UBE2E3: variants seen among roughly 807,000 people sequenced by gnomAD.
UBE2E3 encodes the protein ubiquitin conjugating enzyme E2 E3.
Under a neutral mutation model 23.6 loss-of-function variants are expected in UBE2E3, and 5 were observed. That is an observed-to-expected ratio of 0.21 (90% confidence interval 0.11 to 0.44). UBE2E3 has a LOEUF of 0.44. UBE2E3 is among the 20% of genes least tolerant of loss of function. The pLI is 0.99. For synonymous variants in UBE2E3, 78 were observed against 87.5 expected, an observed-to-expected ratio of 0.89 and a Z score of 0.60; for missense variants, 81 against 249.8, an observed-to-expected ratio of 0.32 and a Z score of 4.55.
chr2:180,987,460 A>C, intron 3 of UBE2E3: 2 of 1,494,400 alleles, frequency 1.3e-6, no homozygotes, highest in Non-Finnish European at 1.8e-6. Flanking sequence ...TATACTGACG[A>C]ATATTTTAAG....
chr2:181,057,909 C>G, intron 4 of UBE2E3, 84 bp downstream of exon 4: 4 of 1,367,412 alleles, frequency 2.9e-6, no homozygotes, highest in Non-Finnish European at 4.0e-6. Flanking sequence ...TGTATTGATG[C>G]AGTTATTTTG....
At chr2:181,008,215 A>G (rs998235638) in intron 3 of UBE2E3, among the ~76,000 whole-genome samples, 2 of 152,218 alleles carry the variant, frequency 1.3e-5, no homozygotes, top group South Asian at 4.1e-4. Context: ...TTTCTTCTGC[A>G]TGAGGATTGG....
At chr2:181,043,497 G>A (rs1379592445) in intron 3 of UBE2E3, among the ~76,000 whole-genome samples, 1 of 151,986 alleles carries the variant, frequency 6.6e-6, no homozygotes, top group African/African-American at 2.4e-5. Flanking sequence ...TTAGACTTTG[G>A]TCTCATCCCC....
At chr2:181,023,383 CT>C (rs1162670077) in intron 3 of UBE2E3, among the ~76,000 whole-genome samples, 1 of 152,144 alleles carries the variant, frequency 6.6e-6, no homozygotes, top group East Asian at 1.9e-4. Flanking sequence ...CTTTTGTCTT[CT>C]GATTTCTCAA....
At chr2:181,021,554 CCCTT>C (rs749212211) in intron 3 of UBE2E3, among the ~76,000 whole-genome samples, 5 of 47,228 alleles carry the variant, frequency 1.1e-4, no homozygotes, top group African/African-American at 1.7e-4. Context: ...TAAATATACT[CCCTT>C]CCTTCCTTCC....
At chr2:181,013,846 T>C (rs892687123) in intron 3 of UBE2E3, among the ~76,000 whole-genome samples, 5 of 152,192 alleles carry the variant, frequency 3.3e-5, no homozygotes, top group African/African-American at 1.2e-4. Flanking sequence ...TGCCTCTTCA[T>C]GGAGGAATGG....
At chr2:181,047,408 C>T (rs1559134336) in intron 3 of UBE2E3, among the ~76,000 whole-genome samples, 1 of 152,048 alleles carries the variant, frequency 6.6e-6, no homozygotes, top group Non-Finnish European at 1.5e-5. Context: ...GGACCAGGCC[C>T]CTTTATCTTA....
At chr2:180,999,604 T>C (rs1205063566) in intron 3 of UBE2E3, among the ~76,000 whole-genome samples, 1 of 152,082 alleles carries the variant, frequency 6.6e-6, no homozygotes, top group African/African-American at 2.4e-5. Flanking sequence ...ATTTTTTGTT[T>C]TTTTTCATTA....
At chr2:181,033,723 T>C (rs1210619073) in intron 3 of UBE2E3, among the ~76,000 whole-genome samples, 1 of 152,068 alleles carries the variant, frequency 6.6e-6, no homozygotes, top group Admixed American at 6.6e-5. Flanking sequence ...CAAAAGAAAC[T>C]ACCATCAGAG....
At chr2:181,059,975 G>C (rs1397037496) in intron 4 of UBE2E3, among the ~76,000 whole-genome samples, 3 of 151,442 alleles carry the variant, frequency 2.0e-5, no homozygotes, top group African/African-American at 7.3e-5. Context: ...TTTGAGACTT[G>C]GCAGTGTTTG....
At chr2:181,017,072 G>A (rs1035876370) in intron 3 of UBE2E3, among the ~76,000 whole-genome samples, 1 of 152,226 alleles carries the variant, frequency 6.6e-6, no homozygotes, top group Non-Finnish European at 1.5e-5. Context: ...ATTTAAAAGA[G>A]AAAACTGGAG....
At chr2:181,008,474 C>T (rs1685217811) in intron 3 of UBE2E3, among the ~76,000 whole-genome samples, 1 of 152,196 alleles carries the variant, frequency 6.6e-6, no homozygotes, top group Admixed American at 6.5e-5. Flanking sequence ...GTAAATTGTT[C>T]TTAAAGTGGT....
intron 3 of UBE2E3, among the ~76,000 whole-genome samples, chr2:181,035,895 C>A (rs12614444): frequency 6.6e-6 from 1 of 151,712 alleles, no homozygotes; most frequent in Non-Finnish European, 1.5e-5. Flanking sequence ...GGCCAGCTGT[C>A]TCAGAATTTA....
chr2:181,026,435 A>G (rs994640677), intron 3 of UBE2E3, among the ~76,000 whole-genome samples: 1 of 150,984 alleles, frequency 6.6e-6, no homozygotes, highest in Non-Finnish European at 1.5e-5. Flanking sequence ...TGGTTTCTCT[A>G]TCTTGTTTGT....
intron 3 of UBE2E3, among the ~76,000 whole-genome samples, chr2:181,028,466 A>G (rs1043339183): frequency 2.0e-5 from 3 of 152,136 alleles, no homozygotes; most frequent in South Asian, 2.1e-4. Context: ...TGCATATTCA[A>G]CCATGCAAGA....
At position 181,017,719 on chromosome 2, in the gene UBE2E3, T is replaced by G. The variant is rs148442961; in HGVS notation, c.245+33626T>G. Among the ~76,000 whole-genome samples, 291 of 150,274 alleles carry G rather than the reference T, an allele frequency of 1.9e-3. 5 individuals carry two copies. Among genetic ancestry groups the G allele is most frequent in the Non-Finnish European group, 1.9e-4 (13 of 67,716 alleles). On this transcript the variant is annotated intron_variant, in intron 3 of 5. Transcript: ENST00000410062. ...CAACAGCATAAAAGGTTTTTTTGTT[T>G]TTCTTTGTTTGTTTCCTAATTTGTT...
At chr2:180,986,817 TC>T (rs1449636900) in intron 3 of UBE2E3, among the ~76,000 whole-genome samples, 1 of 152,100 alleles carries the variant, frequency 6.6e-6, no homozygotes, top group African/African-American at 2.4e-5. Context: ...CTGTGTACAT[TC>T]AGGAAAAAGT....
chr2:181,033,696 A>G (rs905867654), intron 3 of UBE2E3, among the ~76,000 whole-genome samples: 27 of 152,206 alleles, frequency 1.8e-4, no homozygotes, highest in Non-Finnish European at 5.9e-5. Context: ...TCATTAAACT[A>G]AAGAGCTTCT....
intron 3 of UBE2E3, among the ~76,000 whole-genome samples, chr2:181,033,518 C>T (rs565801449): frequency 6.6e-6 from 1 of 152,012 alleles, no homozygotes; most frequent in South Asian, 2.1e-4. Context: ...ACACCTTATA[C>T]AAAAATTAAT....
Sources: gnomAD v4.1 joint callset for allele counts (sites outside exome capture counted in the v4.1 genomes callset) on GRCh38, gnomAD v4.1.1 for gene constraint, MANE v1.5 for transcripts, NCBI Gene and HGNC (gene_info 2026-07-23, HGNC 2026-07-21) for gene names.